ENTREP2: variants seen among roughly 807,000 people sequenced by gnomAD.
The protein encoded by ENTREP2 is protein ENTREP2.
At chr15:29,506,298 T>G in the ENTREP2 span, among the ~76,000 whole-genome samples, 1 of 151,926 alleles carries the variant, frequency 6.6e-6, no homozygotes. Context: ...TACCTAAAAG[T>G]GATGGGGAGA....
chr15:29,313,100 G>A, the ENTREP2 span, among the ~76,000 whole-genome samples: 3 of 152,196 alleles, frequency 2.0e-5, no homozygotes, highest in Admixed American at 2.0e-4. Flanking sequence ...TCCACAGCAA[G>A]GCCCGAACTC....
chr15:29,652,694 C>G, the ENTREP2 span, among the ~76,000 whole-genome samples: 1 of 152,238 alleles, frequency 6.6e-6, no homozygotes, highest in Non-Finnish European at 1.5e-5. Flanking sequence ...CAGCTGCAGC[C>G]TTGCAGAGAG....
chr15:29,300,293 T>G, the ENTREP2 span, among the ~76,000 whole-genome samples: 29 of 51,076 alleles, frequency 5.7e-4, no homozygotes, highest in African/African-American at 3.1e-3. Flanking sequence ...AATCGGTAGG[T>G]GGGTAGATGG....
the ENTREP2 span, among the ~76,000 whole-genome samples, chr15:29,602,420 T>C: frequency 6.6e-6 from 1 of 152,218 alleles, no homozygotes; most frequent in African/African-American, 2.4e-5. Flanking sequence ...TTTAAAAAAA[T>C]GTATTTTAAG....
chr15:29,655,368 A>G, the ENTREP2 span, among the ~76,000 whole-genome samples: 1 of 152,202 alleles, frequency 6.6e-6, no homozygotes, highest in South Asian at 2.1e-4. Flanking sequence ...CAACTCAAAT[A>G]TCACCTATAT....
At chr15:29,471,165 G>C in the ENTREP2 span, among the ~76,000 whole-genome samples, 2 of 152,200 alleles carry the variant, frequency 1.3e-5, no homozygotes, top group Non-Finnish European at 2.9e-5. Flanking sequence ...GGAGAGGGTT[G>C]TAATGCCTGG....
At chr15:29,433,290 G>T in the ENTREP2 span, among the ~76,000 whole-genome samples, 1 of 152,164 alleles carries the variant, frequency 6.6e-6, no homozygotes, top group Non-Finnish European at 1.5e-5. Flanking sequence ...TGAATACTCA[G>T]AATGGAATAA....
the ENTREP2 span, chr15:29,121,296 TGAG>T: frequency 6.6e-6 from 1 of 152,258 alleles, no homozygotes; most frequent in Non-Finnish European, 1.5e-5. Flanking sequence ...CCCGGCTGCA[TGAG>T]GAGAACACCC....
chr15:29,134,054 C>G, the ENTREP2 span, among the ~76,000 whole-genome samples: 920 of 152,240 alleles, frequency 6.0e-3, 7 homozygotes, highest in African/African-American at 0.021. Context: ...CATGGACCCC[C>G]AAATTGGGCC....
At chr15:29,637,063 G>A in the ENTREP2 span, among the ~76,000 whole-genome samples, 1 of 152,160 alleles carries the variant, frequency 6.6e-6, no homozygotes, top group South Asian at 2.1e-4. Context: ...AGGAAGATAA[G>A]TAAATCCTCA....
chr15:29,260,461 T>C, the ENTREP2 span, among the ~76,000 whole-genome samples: 2 of 152,306 alleles, frequency 1.3e-5, no homozygotes, highest in East Asian at 1.9e-4. Context: ...CCAAGTGGGA[T>C]TTACTTCAGG....
the ENTREP2 span, among the ~76,000 whole-genome samples, chr15:29,361,295 C>T: frequency 6.6e-6 from 1 of 152,284 alleles, no homozygotes; most frequent in Non-Finnish European, 1.5e-5. Flanking sequence ...TAGCAATTAC[C>T]CTTGTATTAT....
chr15:29,280,807 C>T, the ENTREP2 span, among the ~76,000 whole-genome samples: 3 of 152,322 alleles, frequency 2.0e-5, no homozygotes, highest in East Asian at 5.8e-4. Context: ...TGGTTTGCTG[C>T]CCCTTGAAGT....
the ENTREP2 span, among the ~76,000 whole-genome samples, chr15:29,491,507 G>A: frequency 6.6e-6 from 1 of 152,232 alleles, no homozygotes; most frequent in South Asian, 2.1e-4. Flanking sequence ...ACAATTTTAA[G>A]TTCCAATCTG....
chr15:29,488,333 A>G, the ENTREP2 span, among the ~76,000 whole-genome samples: 1 of 152,212 alleles, frequency 6.6e-6, no homozygotes, highest in East Asian at 1.9e-4. Flanking sequence ...AGGCAGAAGA[A>G]AGAACCCGCG....
the ENTREP2 span, among the ~76,000 whole-genome samples, chr15:29,539,485 C>A: frequency 6.6e-6 from 1 of 152,080 alleles, no homozygotes; most frequent in Non-Finnish European, 1.5e-5. Context: ...CCCTGAATAT[C>A]CAATTCCCCA....
chr15:29,639,978 A>G, the ENTREP2 span, among the ~76,000 whole-genome samples: 1 of 152,136 alleles, frequency 6.6e-6, no homozygotes, highest in Admixed American at 6.5e-5. Context: ...CACGTTGGCC[A>G]GGCTGGTCAT....
the ENTREP2 span, among the ~76,000 whole-genome samples, chr15:29,644,818 AAAAAAAAAAG>A: frequency 2.6e-5 from 4 of 151,304 alleles, no homozygotes; most frequent in African/African-American, 2.4e-5. Context: ...CTCCATAAAA[AAAAAAAAAAG>A]AAAAAAAAAG....
At chr15:29,271,561 T>C in the ENTREP2 span, among the ~76,000 whole-genome samples, 2 of 152,222 alleles carry the variant, frequency 1.3e-5, no homozygotes, top group African/African-American at 4.8e-5. Flanking sequence ...TAGAAACCGA[T>C]GTTATTCATA....
Sources: allele counts gnomAD v4.1 joint callset (sites outside exome capture counted in the v4.1 genomes callset), GRCh38; gene constraint gnomAD v4.1.1; transcripts MANE v1.5; gene names NCBI Gene and HGNC (gene_info 2026-07-23, HGNC 2026-07-21).